Variants in HEPHL1 observed in about 807,000 individuals in gnomAD.
HEPHL1 encodes the protein ferroxidase HEPHL1.
In HEPHL1, 123 loss-of-function variants were observed where a neutral mutation model predicts 122.0. The observed-to-expected ratio is 1.01, with a 90% CI of 0.87 to 1.17. The LOEUF (loss-of-function observed/expected upper bound fraction) is 1.17, where lower values mean the gene tolerates loss of function less well. Among genes scored for constraint, HEPHL1 ranks in the 50% most tolerant of loss-of-function variants. The pLI, the probability that HEPHL1 is intolerant of heterozygous loss-of-function variation, is 0.00. For synonymous variants in HEPHL1, 527 were observed against 508.9 expected, an observed-to-expected ratio of 1.04 and a Z score of -0.48; for missense variants, 1,452 against 1,430.5, an observed-to-expected ratio of 1.01 and a Z score of -0.24.
intron 4 of HEPHL1, among the ~76,000 whole-genome samples, chr11:94,065,871 C>T (rs568906467): frequency 2.2e-4 from 33 of 152,218 alleles, no homozygotes; most frequent in African/African-American, 7.5e-4. Flanking sequence ...CATAAGCAAA[C>T]ATAGATTACA....
Position 94,063,493 on chromosome 11 carries a change from T to C in HEPHL1, c.416-15T>C. On this transcript the variant is annotated splice_polypyrimidine_tract_variant and intron_variant, in intron 2 of 19. Coordinates refer to ENST00000315765, the MANE Select transcript of HEPHL1 (RefSeq NM_001098672.2). The stretch of plus-strand genomic sequence containing the variant: ...ACTATGTTTTACCTTTTTTTTTAAT[T>C]TTATTTTTTGGAAGGAGCCCTATAC... The C allele has an allele frequency of 1.9e-6, 3 of 1,555,474 alleles. No homozygotes were observed. Among genetic ancestry groups the C allele is most frequent in the African/African-American group, 2.7e-5 (2 of 73,022 alleles).
chr11:94,031,057 A>T (rs1206272062), intron 1 of HEPHL1, among the ~76,000 whole-genome samples: 1 of 152,164 alleles, frequency 6.6e-6, no homozygotes, highest in Non-Finnish European at 1.5e-5. Flanking sequence ...TTAGAAATAG[A>T]AGGCATGCAA....
intron 11 of HEPHL1, among the ~76,000 whole-genome samples, chr11:94,087,301 C>G (rs958746450): frequency 2.0e-5 from 3 of 151,892 alleles, no homozygotes; most frequent in African/African-American, 4.8e-5. Flanking sequence ...TTAGAGCTGC[C>G]CAGAATAATT....
chr11:94,053,257 G>A (rs1296248499), intron 2 of HEPHL1, among the ~76,000 whole-genome samples: 2 of 151,934 alleles, frequency 1.3e-5, no homozygotes, highest in Non-Finnish European at 2.9e-5. Context: ...GCAGAAAGTT[G>A]CCTATAATAT....
At chr11:94,065,991 C>A (rs1946030553) in intron 4 of HEPHL1, among the ~76,000 whole-genome samples, 1 of 152,028 alleles carries the variant, frequency 6.6e-6, no homozygotes, top group African/African-American at 2.4e-5. Flanking sequence ...CAAAACCAGC[C>A]TGGGCAACAT....
intron 1 of HEPHL1, among the ~76,000 whole-genome samples, chr11:94,036,121 G>T (rs1945720159): frequency 6.6e-6 from 1 of 152,204 alleles, no homozygotes; most frequent in Non-Finnish European, 1.5e-5. Context: ...AAGCCCTTAA[G>T]GGCGTATTTC....
intron 1 of HEPHL1, among the ~76,000 whole-genome samples, chr11:94,027,444 G>A (rs1945635337): frequency 1.3e-5 from 2 of 152,210 alleles, no homozygotes; most frequent in African/African-American, 4.8e-5. Context: ...GTTCTTTGGA[G>A]AGCAGGAGCC....
Position 94,070,529 on chromosome 11 carries a change from A to G in HEPHL1, c.1219A>G (p.Asn407Asp), listed in dbSNP as rs1231160207. ...TAACAAATTCAGTGGTCTTCCTCTA[A>G]ACGCCTCTGGCAGGTAAGCACCCTT... ...GYNKFSGLPL[N>D]ASGSDSDLYF... The change falls in exon 6 of 20, where the codon AAC becomes GAC. Residue 407 changes from asparagine (N) to aspartate (D), a missense_variant. Transcript: ENST00000315765. 6.2e-7 allele frequency: 1 copy of G among 1,610,014 alleles called. No individual in the cohort carries two copies. The highest frequency in any genetic ancestry group is 1.3e-5 in the African/African-American group (1 of 74,818).
chr11:94,037,220 G>A lies in HEPHL1; in HGVS notation c.171-8453G>A, dbSNP rs557188113. Among the ~76,000 whole-genome samples the A allele has an allele frequency of 1.2e-4, 18 of 152,052 alleles. No individual in the cohort carries two copies. The East Asian group carries it at 1.5e-3, about 13-fold the overall frequency. ...CCGCACCTGGCTCAGAGGGTCCTAC[G>A]CCCACGGAGTCTCGCTGATTGCTAG... On this transcript the variant is annotated intron_variant, in intron 1 of 19. Transcript: ENST00000315765.
chr11:94,037,348 G>C, intron 1 of HEPHL1, among the ~76,000 whole-genome samples: 1 of 151,540 alleles, frequency 6.6e-6, no homozygotes. Flanking sequence ...CAGAAAGCTT[G>C]AACTGGGTGG....
chr11:94,054,090 C>T (rs1945914641), intron 2 of HEPHL1, among the ~76,000 whole-genome samples: 1 of 151,988 alleles, frequency 6.6e-6, no homozygotes, highest in Non-Finnish European at 1.5e-5. Context: ...TCTATTTGTT[C>T]TTTTTTTGGG....
chr11:94,110,842 T>C, intron 17 of HEPHL1, 61 bp from the exon 18 acceptor site: 1 of 1,370,740 alleles, frequency 7.3e-7, no homozygotes, highest in Non-Finnish European at 1.0e-6. Flanking sequence ...CTCTTCTTTC[T>C]GTTCTTGCTG....
intron 1 of HEPHL1, among the ~76,000 whole-genome samples, chr11:94,027,409 C>T (rs796537351): frequency 3.9e-5 from 6 of 152,346 alleles, no homozygotes; most frequent in African/African-American, 1.4e-4. Flanking sequence ...GATCAGCTCT[C>T]GTGGTAGCTC....
Position 94,111,600 on chromosome 11 carries a change from C to T in HEPHL1, c.3272C>T (p.Ser1091Phe). Residue 1091 changes from serine to phenylalanine, a missense_variant, in exon 19 of 20, where the codon TCT (serine) becomes TTT (phenylalanine). Transcript: ENST00000315765. ...GVASHPATVPSNERPGKEQLY... is the reference protein window; with the variant it reads ...GVASHPATVPFNERPGKEQLY... ...GCATCTCACCCAGCCACGGTGCCAT[C>T]TAACGGTAATGATACCCTCTCCCCA... 1.2e-6 allele frequency: 2 copies of T among 1,606,512 alleles called. No homozygotes were observed. The highest frequency in any genetic ancestry group is 1.7e-6 in the Non-Finnish European group (2 of 1,176,078).
intron 13 of HEPHL1, among the ~76,000 whole-genome samples, chr11:94,097,973 T>C (rs2134449567): frequency 6.6e-6 from 1 of 152,314 alleles, no homozygotes; most frequent in East Asian, 1.9e-4. Flanking sequence ...TTATCCAATT[T>C]GCCAGTCTTT....
rs7949365 is a variant in HEPHL1 at position 94,051,504 on chromosome 11, G to A, written c.415+5587G>A. ...TGCCCATTTTTTAATCTGGTAATTA[G>A]ATTTTTTCCTATAGTGTTCCTTATA... On this transcript the variant is annotated intron_variant, in intron 2 of 19. Coordinates refer to ENST00000315765, the MANE Select transcript of HEPHL1 (RefSeq NM_001098672.2). Among the ~76,000 whole-genome samples the A allele has an allele frequency of 8.7e-3, 1,324 of 152,054 alleles. 19 individuals carry two copies. The highest frequency in any genetic ancestry group is 0.03 in the African/African-American group (1,264 of 41,476).
At chr11:94,068,536 T>A (rs1369019336) in intron 5 of HEPHL1, among the ~76,000 whole-genome samples, 1 of 152,170 alleles carries the variant, frequency 6.6e-6, no homozygotes, top group Non-Finnish European at 1.5e-5. Flanking sequence ...CTTTCTTAGC[T>A]GGACCATAAT....
At chr11:94,033,520 T>A (rs1945694034) in intron 1 of HEPHL1, among the ~76,000 whole-genome samples, 1 of 152,176 alleles carries the variant, frequency 6.6e-6, no homozygotes, top group Non-Finnish European at 1.5e-5. Context: ...GGACATCTAG[T>A]GTGGATCATG....
At chr11:94,075,115 C>G (rs1368819376) in intron 8 of HEPHL1, 59 bp from the exon 9 acceptor site, 1 of 1,460,980 alleles carries the variant, frequency 6.8e-7, no homozygotes, top group East Asian at 2.4e-5. Flanking sequence ...AAGACCCAGT[C>G]TGACCAATGT....
Sources: allele counts gnomAD v4.1 joint callset (sites outside exome capture counted in the v4.1 genomes callset), GRCh38; gene constraint gnomAD v4.1.1; transcripts MANE v1.5; gene names NCBI Gene and HGNC (gene_info 2026-07-23, HGNC 2026-07-21).